COL27A1: variants seen among roughly 807,000 people sequenced by gnomAD.
COL27A1 encodes the protein collagen alpha-1(XXVII) chain.
A neutral mutation model predicts 251.3 loss-of-function variants in COL27A1; 106 were observed. That is an observed-to-expected ratio of 0.42 (90% confidence interval 0.36 to 0.50). The LOEUF (loss-of-function observed/expected upper bound fraction) is 0.50, where lower values mean the gene tolerates loss of function less well. Ranked by LOEUF, COL27A1 falls within the 20% of genes least tolerant of loss-of-function variation. The probability of loss-of-function intolerance (pLI) is 0.00; values close to 1 mark genes in which losing one functional copy is unlikely to be tolerated. For synonymous variants in COL27A1, 1,000 were observed against 986.3 expected (o/e 1.01, Z -0.26); for missense variants, 2,325 against 2,522.8 (o/e 0.92, Z 1.68).
intron 41 of COL27A1, 65 bp from the exon 42 acceptor site, chr9:114,288,390 G>A (rs577998620): frequency 6.8e-5 from 105 of 1,534,142 alleles, no homozygotes; most frequent in Middle Eastern, 1.7e-4. Context: ...AGCGCTTTCC[G>A]TCTGGAATTC....
intron 41 of COL27A1, among the ~76,000 whole-genome samples, chr9:114,286,749 G>T (rs890131905): frequency 4.6e-5 from 6 of 129,158 alleles, no homozygotes; most frequent in African/African-American, 1.7e-4. Flanking sequence ...AATAATAATA[G>T]AATTAAAAAA....
rs1239154399 is a variant in COL27A1 at position 114,252,443 on chromosome 9, T to C, written c.3034-150T>C. ...AAATCCCAGATCCCCACCTGGGTGA[T>C]GTGGCCATGAACTAGGCAGGGACCC... On this transcript the variant is annotated intron_variant, in intron 25 of 60. Coordinates refer to ENST00000356083, the MANE Select transcript of COL27A1 (RefSeq NM_032888.4). 4 of 663,500 alleles carry C rather than the reference T, an allele frequency of 6.0e-6. No individual in the cohort carries two copies. In the East Asian group the frequency reaches 1.0e-4, roughly 17 times the overall value. 41.1% of individuals were successfully genotyped at this position (663,500 alleles called of 1,614,324 possible). A position where few individuals can be genotyped will look rare whatever the true frequency, so the allele number is the denominator to read the frequency against.
At position 114,310,833 on chromosome 9, in the gene COL27A1, T is replaced by G; in HGVS notation, c.*138T>G. On this transcript the variant is annotated 3_prime_UTR_variant, in exon 61 of 61. Transcript: ENST00000356083. ...CCTTGGGCAGACCCCAGCTGTTGTC[T>G]GCCCAGTAGAAGTGGGTGGGGGTAG... The G allele has an allele frequency of 1.2e-6, 1 of 808,398 alleles. No individual in the cohort carries two copies. Among genetic ancestry groups the G allele is most frequent in the East Asian group, 2.7e-5 (1 of 37,336 alleles). 50.1% of individuals were successfully genotyped at this position (808,398 alleles called of 1,614,324 possible).
At chr9:114,236,715 G>T (rs1363428873) in intron 17 of COL27A1, among the ~76,000 whole-genome samples, 1 of 152,208 alleles carries the variant, frequency 6.6e-6, no homozygotes, top group East Asian at 1.9e-4. Flanking sequence ...GCACCACAGA[G>T]CCTGCGTGCA....
Position 114,264,387 on chromosome 9 carries a change from G to A in COL27A1, c.3228G>A (p.Glu1076=). 2 of 1,596,366 alleles carry A rather than the reference G, an allele frequency of 1.3e-6. No individual in the cohort carries two copies. The highest frequency in any genetic ancestry group is 8.5e-7 in the Non-Finnish European group (1 of 1,170,866). Reference sequence around the variant, plus strand: ...GAGGACCGGACGGACCAGCTGGGGAGCAAGGGTCCAGGGGCCTGAAGGTAC... The same window carrying A: ...GAGGACCGGACGGACCAGCTGGGGAACAAGGGTCCAGGGGCCTGAAGGTAC... ...GPRGPDGPAG[E]QGSRGLKGPP... is the part of the protein sequence containing the mutation. The change falls in exon 29 of 61, where the codon GAG becomes GAA. Residue 1076 remains glutamate (E), a synonymous_variant. Coordinates refer to ENST00000356083, the MANE Select transcript of COL27A1 (RefSeq NM_032888.4).
At chr9:114,225,794 T>C (rs1180858886) in intron 14 of COL27A1, among the ~76,000 whole-genome samples, 7 of 152,238 alleles carry the variant, frequency 4.6e-5, no homozygotes, top group Admixed American at 3.9e-4. Flanking sequence ...AAGCCAAACC[T>C]TCCTTCCGTC....
At chr9:114,157,870 T>C (rs935166909) in intron 1 of COL27A1, among the ~76,000 whole-genome samples, 1 of 152,210 alleles carries the variant, frequency 6.6e-6, no homozygotes, top group African/African-American at 2.4e-5. Context: ...GGCTGGGTTT[T>C]GTGAAGATGA....
At chr9:114,286,501 C>G (rs756556100) in intron 41 of COL27A1, among the ~76,000 whole-genome samples, 1 of 152,182 alleles carries the variant, frequency 6.6e-6, no homozygotes, top group Non-Finnish European at 1.5e-5. Context: ...TTAACTTGAA[C>G]CGCCCATCCC....
Position 114,301,680 on chromosome 9 carries a change from A to G in COL27A1, c.4810-2A>G. On this transcript the variant is annotated splice_acceptor_variant, in intron 54 of 60. Transcript: ENST00000356083. LOFTEE classifies it high-confidence loss of function. ...CTCACTCTTCTTCTCTTGTTCCCCCAGGGTCCTCCCGGCCCCAGAGGGCGG... is the reference window on the plus strand; with the variant it reads ...CTCACTCTTCTTCTCTTGTTCCCCCGGGGTCCTCCCGGCCCCAGAGGGCGG... 6.2e-7 allele frequency: 1 copy of G among 1,609,490 alleles called. No homozygotes were observed. Among genetic ancestry groups the G allele is most frequent in the Non-Finnish European group, 8.5e-7 (1 of 1,178,116 alleles).
At chr9:114,288,663 C>T (rs374502047) in intron 42 of COL27A1, 39 bp from the exon 43 acceptor site, 3 of 1,596,978 alleles carry the variant, frequency 1.9e-6, no homozygotes, top group Non-Finnish European at 2.6e-6. Flanking sequence ...ATCCTTGGCA[C>T]CTGGTGGCCC....
intron 10 of COL27A1, among the ~76,000 whole-genome samples, chr9:114,207,420 C>T (rs560970663): frequency 6.6e-6 from 1 of 152,168 alleles, no homozygotes; most frequent in Admixed American, 6.5e-5. Flanking sequence ...ATGGGCCATT[C>T]CCCCAGAGGG....
intron 41 of COL27A1, among the ~76,000 whole-genome samples, chr9:114,287,118 C>G (rs1185945443): frequency 6.6e-6 from 1 of 152,182 alleles, no homozygotes; most frequent in African/African-American, 2.4e-5. Flanking sequence ...CTCTAGACCT[C>G]AGGCCAAGTC....
intron 10 of COL27A1, among the ~76,000 whole-genome samples, chr9:114,207,401 G>A (rs1201526451): frequency 2.0e-5 from 3 of 152,142 alleles, no homozygotes; most frequent in Non-Finnish European, 2.9e-5. Context: ...CCTTTATTCT[G>A]CTGCTCCCAT....
At chr9:114,178,098 G>A (rs1394521150) in intron 3 of COL27A1, among the ~76,000 whole-genome samples, 193 bp from the exon 4 acceptor site, 4 of 152,182 alleles carry the variant, frequency 2.6e-5, no homozygotes, top group Admixed American at 2.0e-4. Context: ...GTCAGTGACT[G>A]AATAGTAGCT....
intron 23 of COL27A1, among the ~76,000 whole-genome samples, chr9:114,243,772 A>G (rs574073319): frequency 6.6e-6 from 1 of 152,202 alleles, no homozygotes; most frequent in African/African-American, 2.4e-5. Context: ...GATATAGTCC[A>G]GCCACCCTAG....
chr9:114,217,346 C>G (rs906921876), intron 12 of COL27A1, among the ~76,000 whole-genome samples: 2 of 152,218 alleles, frequency 1.3e-5, no homozygotes, highest in South Asian at 4.1e-4. Flanking sequence ...ATCCTCACAG[C>G]ACTCCCTTTT....
intron 59 of COL27A1, among the ~76,000 whole-genome samples, 170 bp from the exon 60 acceptor site, chr9:114,309,090 G>A (rs1357409892): frequency 2.6e-5 from 4 of 152,106 alleles, no homozygotes; most frequent in East Asian, 1.9e-4. Context: ...ACCAGCTCAC[G>A]CAGACCTCAG....
At chr9:114,275,555 G>C in intron 36 of COL27A1, 106 bp from the exon 37 acceptor site, 1 of 696,682 alleles carries the variant, frequency 1.4e-6, no homozygotes, top group South Asian at 1.9e-5. Context: ...CTAGGGACCA[G>C]TTGGCTGTGG....
chr9:114,242,730 A>C (rs1412683302), intron 22 of COL27A1, among the ~76,000 whole-genome samples: 1 of 152,230 alleles, frequency 6.6e-6, no homozygotes, highest in Non-Finnish European at 1.5e-5. Context: ...GGAGGACCCA[A>C]AGGCTTTTGT....
Sources: allele counts gnomAD v4.1 joint callset (sites outside exome capture counted in the v4.1 genomes callset), GRCh38; gene constraint gnomAD v4.1.1; transcripts MANE v1.5; gene names NCBI Gene and HGNC (gene_info 2026-07-23, HGNC 2026-07-21).